OXR1: variants seen among roughly 807,000 people sequenced by gnomAD.
The protein encoded by OXR1 is oxidation resistance 1.
OXR1 carries 41 observed loss-of-function variants against 104.6 expected under a neutral mutation model. The observed-to-expected ratio is 0.39, with a 90% CI of 0.31 to 0.51. OXR1 has a LOEUF of 0.51. OXR1 is among the 20% of genes least tolerant of loss of function. OXR1 has a pLI of 0.77. For missense variants in OXR1, 955 were observed against 1,031.9 expected (o/e 0.93, Z 1.02); for synonymous variants, 348 against 348.4 (o/e 1.00, Z 0.01).
At position 106,327,756 on chromosome 8, in the gene OXR1, T is replaced by G. The variant is rs900829316; in HGVS notation, c.-138-31720T>G. On this transcript the variant is annotated intron_variant, in intron 1 of 16. Transcript: ENST00000517566. ...TACTTCAAAGTTCTCTAATATTTGG[T>G]TACTCATGCCAGAGGAATTGTGAGT... Among the ~76,000 whole-genome samples, 17 of 152,222 alleles carry G rather than the reference T, an allele frequency of 1.1e-4. No individual in the cohort carries two copies. In the South Asian group the frequency reaches 1.9e-3, roughly 17 times the overall value.
intron 2 of OXR1, among the ~76,000 whole-genome samples, chr8:106,480,158 A>G (rs1563549808): frequency 6.6e-6 from 1 of 152,016 alleles, no homozygotes; most frequent in Non-Finnish European, 1.5e-5. Context: ...TATGTGATAA[A>G]TAATTGGGAG....
chr8:106,565,570 T>C (rs1563609828), intron 3 of OXR1, among the ~76,000 whole-genome samples: 1 of 152,188 alleles, frequency 6.6e-6, no homozygotes, highest in Non-Finnish European at 1.5e-5. Context: ...ATTTATAGAT[T>C]CCATGCTATT....
chr8:106,401,813 ACTT>A (rs1237165337), intron 2 of OXR1, among the ~76,000 whole-genome samples: 1 of 152,188 alleles, frequency 6.6e-6, no homozygotes, highest in Non-Finnish European at 1.5e-5. Context: ...AGTAGTTGCT[ACTT>A]CTTGCTCAGT....
intron 2 of OXR1, among the ~76,000 whole-genome samples, chr8:106,501,888 T>G (rs892970351): frequency 3.3e-5 from 5 of 152,168 alleles, no homozygotes; most frequent in Non-Finnish European, 7.4e-5. Context: ...ATAGAAAGAT[T>G]AACATAAACT....
intron 2 of OXR1, among the ~76,000 whole-genome samples, chr8:106,388,851 A>T (rs1027110045): frequency 1.3e-5 from 2 of 152,228 alleles, no homozygotes; most frequent in Non-Finnish European, 2.9e-5. Context: ...TGGAAAGCTG[A>T]TAGTATAAAA....
At chr8:106,719,743 G>C (rs1205908192) in intron 11 of OXR1, among the ~76,000 whole-genome samples, 1 of 152,114 alleles carries the variant, frequency 6.6e-6, no homozygotes, top group African/African-American at 2.4e-5. Flanking sequence ...GATAGATCTA[G>C]AGCAATACAC....
intron 1 of OXR1, among the ~76,000 whole-genome samples, chr8:106,284,850 G>T (rs1202121076): frequency 6.6e-6 from 1 of 151,924 alleles, no homozygotes; most frequent in Non-Finnish European, 1.5e-5. Flanking sequence ...CTGTTTGCTT[G>T]CTATTGCCAT....
At chr8:106,305,286 TAA>T (rs1177603539) in intron 1 of OXR1, among the ~76,000 whole-genome samples, 5 of 152,154 alleles carry the variant, frequency 3.3e-5, no homozygotes, top group African/African-American at 1.2e-4. Flanking sequence ...ATATATTTTA[TAA>T]AGAGATAATA....
chr8:106,444,720 C>T (rs556766519), intron 2 of OXR1, among the ~76,000 whole-genome samples: 24 of 151,960 alleles, frequency 1.6e-4, no homozygotes, highest in East Asian at 5.8e-4. Context: ...ACTTAGAGGA[C>T]GGATCAATAG....
chr8:106,478,722 C>T (rs1410391655), intron 2 of OXR1, among the ~76,000 whole-genome samples: 2 of 151,544 alleles, frequency 1.3e-5, no homozygotes, highest in African/African-American at 4.8e-5. Flanking sequence ...ATGATTAATT[C>T]TAAAAAATAA....
intron 2 of OXR1, among the ~76,000 whole-genome samples, chr8:106,470,112 G>A (rs981746456): frequency 1.3e-5 from 2 of 151,770 alleles, no homozygotes; most frequent in Non-Finnish European, 1.5e-5. Flanking sequence ...GTGAGGTAAT[G>A]GAGTTGGAGG....
At chr8:106,462,417 C>T (rs1820961358) in intron 2 of OXR1, among the ~76,000 whole-genome samples, 1 of 152,034 alleles carries the variant, frequency 6.6e-6, no homozygotes, top group Non-Finnish European at 1.5e-5. Flanking sequence ...TAAATCATTA[C>T]CCATTCATAT....
At chr8:106,367,953 G>C (rs918611413) in intron 2 of OXR1, among the ~76,000 whole-genome samples, 1 of 152,228 alleles carries the variant, frequency 6.6e-6, no homozygotes, top group East Asian at 1.9e-4. Flanking sequence ...CAGCCAATAA[G>C]GGGGAGAGTC....
At chr8:106,542,978 T>C (rs982826006) in intron 3 of OXR1, among the ~76,000 whole-genome samples, 6 of 152,186 alleles carry the variant, frequency 3.9e-5, no homozygotes, top group African/African-American at 1.4e-4. Context: ...ATTTCAAATT[T>C]AGGTTGTAAG....
chr8:106,547,036 G>A (rs1815410061), intron 3 of OXR1, among the ~76,000 whole-genome samples: 1 of 152,076 alleles, frequency 6.6e-6, no homozygotes, highest in Non-Finnish European at 1.5e-5. Context: ...GATTACAAGT[G>A]TGCACCACCA....
chr8:106,491,398 G>C (rs1183276197), intron 2 of OXR1, among the ~76,000 whole-genome samples: 3 of 152,154 alleles, frequency 2.0e-5, no homozygotes, highest in Non-Finnish European at 4.4e-5. Context: ...CCATACACCA[G>C]TGTGAGCATG....
chr8:106,614,093 T>A (rs1821009329), intron 3 of OXR1, among the ~76,000 whole-genome samples: 1 of 152,230 alleles, frequency 6.6e-6, no homozygotes, highest in African/African-American at 2.4e-5. Flanking sequence ...GCAAAAGTGC[T>A]TTTATAATCC....
intron 3 of OXR1, among the ~76,000 whole-genome samples, chr8:106,606,585 T>A (rs374373080): frequency 6.6e-5 from 10 of 152,072 alleles, no homozygotes; most frequent in African/African-American, 2.2e-4. Context: ...GTGCTAGGAT[T>A]ATAGGCATGA....
intron 2 of OXR1, among the ~76,000 whole-genome samples, chr8:106,362,258 C>T (rs538608081): frequency 1.3e-5 from 2 of 152,218 alleles, no homozygotes; most frequent in African/African-American, 4.8e-5. Flanking sequence ...ACTATGACAT[C>T]GTATTAGTTG....
Sources: gnomAD v4.1 joint callset for allele counts (sites outside exome capture counted in the v4.1 genomes callset) on GRCh38, gnomAD v4.1.1 for gene constraint, MANE v1.5 for transcripts, NCBI Gene and HGNC (gene_info 2026-07-23, HGNC 2026-07-21) for gene names.